The following SLC30A3 variants were observed in gnomAD, a reference collection of about 807,000 sequenced individuals.
The protein encoded by SLC30A3 is solute carrier family 30 member 3.
SLC30A3 carries 20 observed loss-of-function variants against 35.6 expected under a neutral mutation model. The ratio of observed to expected loss-of-function variants is 0.56; its 90% CI spans 0.39 to 0.82. The LOEUF (loss-of-function observed/expected upper bound fraction) is 0.82, where lower values mean the gene tolerates loss of function less well. Among genes scored for constraint, SLC30A3 ranks in the 40% least tolerant of loss-of-function variants. The pLI is 0.00. For synonymous variants in SLC30A3, 217 were observed against 224.7 expected (o/e 0.97, Z 0.31); for missense variants, 401 against 530.6 (o/e 0.76, Z 2.40).
Position 27,262,968 on chromosome 2 carries a change from G to T in SLC30A3, c.-62C>A, listed in dbSNP as rs890697089. 5 of 1,447,620 alleles carry T rather than the reference G, an allele frequency of 3.5e-6. No homozygotes were observed. The highest frequency in any genetic ancestry group is 6.9e-5 in the Admixed American group (2 of 29,012). 89.7% of individuals were successfully genotyped at this position (1,447,620 alleles called of 1,614,324 possible). A position where few individuals can be genotyped will look rare whatever the true frequency, so the allele number is the denominator to read the frequency against. Reference sequence around the variant, plus strand: ...AAGAGAGAGGCCGGGCCGGCCCCGCGCCAAGTCCGAGCAGCCCGCCGACCC... The same window carrying T: ...AAGAGAGAGGCCGGGCCGGCCCCGCTCCAAGTCCGAGCAGCCCGCCGACCC... On this transcript the variant is annotated 5_prime_UTR_variant, in exon 1 of 8. Transcript: ENST00000233535. This position sits in a 1 kb window ranked among gnomAD's most constrained non-coding sequence, Gnocchi z 7.5.
At chr2:27,269,540 C>A (rs1334700179) in intron 1 of SLC30A3, among the ~76,000 whole-genome samples, 1 of 151,924 alleles carries the variant, frequency 6.6e-6, no homozygotes, top group Non-Finnish European at 1.5e-5. Flanking sequence ...CTGCATGTGG[C>A]ATCCAATGGA....
rs1213843855 is a variant in SLC30A3, at chr2:27,262,298, C to G, written c.95+514G>C. 2 of 152,174 alleles carry G rather than the reference C, an allele frequency of 1.3e-5. No individual in the cohort carries two copies. Among genetic ancestry groups the G allele is most frequent in the African/African-American group, 2.4e-5 (1 of 41,426 alleles). 9.4% of individuals were successfully genotyped at this position (152,174 alleles called of 1,614,324 possible). A position where few individuals can be genotyped will look rare whatever the true frequency, so the allele number is the denominator to read the frequency against. On this transcript the variant is annotated intron_variant, in intron 1 of 7. Coordinates refer to ENST00000233535, the MANE Select transcript of SLC30A3 (RefSeq NM_003459.5). The surrounding 1 kb of genome is among the most constrained non-coding windows in gnomAD (Gnocchi z 7.5). ...TCGCTTCCCGGCGGCCGCCCGCCCC[C>G]CAGGGGCCCGCAAGACCCGCGCGGA...
rs779313952 is a variant in SLC30A3, at chr2:27,257,987, C to T, written c.496G>A (p.Val166Ile). The T allele has an allele frequency of 1.2e-5, 20 of 1,614,150 alleles. No individual in the cohort carries two copies. The highest frequency in any genetic ancestry group is 1.6e-4 in the Middle Eastern group (1 of 6,062). ...TGGTAGTCGCTGTGCAGCAGGCGGA[C>T]GAAGGCCAGGTACAGGAGGATGCCA... ...VTGILLYLAF[V>I]RLLHSDYHIE... Residue 166 changes from valine (V) to isoleucine (I), a missense_variant, in exon 4 of 8, where the codon GTC (valine) becomes ATC (isoleucine). Physicochemically the swap from Val to Ile is conservative, Grantham distance 29. Around this residue, in one of 3 missense-constraint regions of SLC30A3, gnomAD observed 296 missense variants for 392.6 expected, o/e 0.75. Coordinates refer to ENST00000233535, the MANE Select transcript of SLC30A3 (RefSeq NM_003459.5). The surrounding 1 kb of genome is among the most constrained non-coding windows in gnomAD (Gnocchi z 4.7).
rs752716923 is a variant in SLC30A3, at chr2:27,257,234, G to A, written c.697C>T (p.Arg233Trp). 5.0e-6 allele frequency: 8 copies of A among 1,614,040 alleles called. No homozygotes were observed. Among genetic ancestry groups the A allele is most frequent in the East Asian group, 2.2e-5 (1 of 44,872 alleles). Reference protein sequence around the residue: ...EPLPLGNTSVRAAFVHVLGDL... With the variant: ...EPLPLGNTSVWAAFVHVLGDL... ...CCCAGCACGTGCACAAATGCCGCCCGGACGCTGGTGTTCCCCAGGGGCAGG... is the reference window on the plus strand; with the variant it reads ...CCCAGCACGTGCACAAATGCCGCCCAGACGCTGGTGTTCCCCAGGGGCAGG... Residue 233 changes from arginine to tryptophan, a missense_variant, in exon 5 of 8, where the codon CGG becomes TGG. By Grantham distance (101) the Arg-to-Trp change is moderately radical. Around this residue, in one of 3 missense-constraint regions of SLC30A3, gnomAD observed 296 missense variants for 392.6 expected, o/e 0.75. Transcript: ENST00000233535. The surrounding 1 kb of genome is among the most constrained non-coding windows in gnomAD (Gnocchi z 4.7).
chr2:27,275,224 T>G, exon 1 of SLC30A3: 6 of 1,303,932 alleles, frequency 4.6e-6, no homozygotes, highest in South Asian at 1.2e-5. Context: ...CTGGAGTGAG[T>G]TGGGCCATCA....
In SLC30A3 at chr2:27,257,211, C is replaced by T. The variant is rs1181389381; in HGVS notation, c.720G>A (p.Leu240=). Residue 240 remains leucine, a synonymous_variant, in exon 5 of 8, where the codon CTG becomes CTA. Coordinates refer to ENST00000233535, the MANE Select transcript of SLC30A3 (RefSeq NM_003459.5). This position sits in a 1 kb window ranked among gnomAD's most constrained non-coding sequence, Gnocchi z 4.7. Reference sequence around the variant, plus strand: ...CCCCAAAGCTCTGCAGGAGGTCCCCCAGCACGTGCACAAATGCCGCCCGGA... The same window carrying T: ...CCCCAAAGCTCTGCAGGAGGTCCCCTAGCACGTGCACAAATGCCGCCCGGA... The part of the protein sequence containing the change: ...TSVRAAFVHV[L]GDLLQSFGVL... 2 of 1,613,980 alleles carry T rather than the reference C, an allele frequency of 1.2e-6. No individual in the cohort carries two copies. Among genetic ancestry groups the T allele is most frequent in the Admixed American group, 3.3e-5 (2 of 59,998 alleles).
intron 1 of SLC30A3, among the ~76,000 whole-genome samples, chr2:27,273,404 A>T (rs1402520738): frequency 2.6e-5 from 4 of 152,242 alleles, no homozygotes; most frequent in Non-Finnish European, 5.9e-5. Context: ...TTACAGACTG[A>T]GGCAAGGAAT....
chr2:27,268,012 T>C (rs977703881), upstream of SLC30A3, among the ~76,000 whole-genome samples: 6 of 152,172 alleles, frequency 3.9e-5, no homozygotes, highest in Admixed American at 1.3e-4. Context: ...CCTTGTTTTA[T>C]TTTTCTCCAT....
At chr2:27,272,778 G>A (rs187400365) in intron 1 of SLC30A3, among the ~76,000 whole-genome samples, 45 of 151,792 alleles carry the variant, frequency 3.0e-4, no homozygotes, top group African/African-American at 8.0e-4. Flanking sequence ...CCAGCTGGGC[G>A]TGGTGGCTCA....
Position 27,258,485 on chromosome 2 carries a change from TA to T in SLC30A3, c.278-179del, listed in dbSNP as rs1260314198. 2 of 678,068 alleles carry T rather than the reference TA, an allele frequency of 2.9e-6. No homozygotes were observed. The highest frequency in any genetic ancestry group is 3.6e-5 in the African/African-American group (2 of 54,962). The allele number at this position is 678,068 out of a possible 1,614,324, so 42.0% of individuals were successfully genotyped here. A position where few individuals can be genotyped will look rare whatever the true frequency, so the allele number is the denominator to read the frequency against. On this transcript the variant is annotated intron_variant, in intron 2 of 7. Coordinates refer to ENST00000233535, the MANE Select transcript of SLC30A3 (RefSeq NM_003459.5). This position sits in a 1 kb window ranked among gnomAD's most constrained non-coding sequence, Gnocchi z 4.0. ...TTATTTTTTTCATTCATCTGTATTT[TA>T]TTTTCTACAATGATTTATTTTAATA...
upstream of SLC30A3, chr2:27,275,501 T>G (rs1677980886): frequency 3.0e-6 from 1 of 332,540 alleles, no homozygotes; most frequent in Non-Finnish European, 5.9e-6. Flanking sequence ...GTGTGAAGTT[T>G]CACACCCAAA....
chr2:27,256,851 A>C lies in SLC30A3; in HGVS notation c.820T>G (p.Ser274Ala). 1 of 1,606,446 alleles carries C rather than the reference A, an allele frequency of 6.2e-7. No individual in the cohort carries two copies. The highest frequency in any genetic ancestry group is 8.5e-7 in the Non-Finnish European group (1 of 1,178,392). The change falls in exon 6 of 8, where the codon TCC (serine) becomes GCC (alanine). Residue 274 changes from serine (S) to alanine (A), a missense_variant. By Grantham distance (99) the Ser-to-Ala change is moderately conservative. This residue lies in a region of SLC30A3 where 296 missense variants were observed against 392.6 expected (regional missense o/e 0.75). Transcript: ENST00000233535. ...GCGGTGGATCCAAGGGCACAGATGG[A>C]GAAGAGGAAGGTGCTGATGGGGTCG... Reference protein sequence around the residue: ...AADPISTFLFSICALGSTAPT... With the variant: ...AADPISTFLFAICALGSTAPT...
At chr2:27,260,696 T>C (rs1423440044) in intron 1 of SLC30A3, among the ~76,000 whole-genome samples, 1 of 152,174 alleles carries the variant, frequency 6.6e-6, no homozygotes, top group African/African-American at 2.4e-5. Context: ...CTAAAGACAA[T>C]TCTGCCAAGT....
In SLC30A3 at chr2:27,256,441, C is replaced by T. The variant is rs151129800; in HGVS notation, c.963G>A (p.Leu321=). Residue 321 remains leucine (L), a synonymous_variant, in exon 7 of 8, where the codon CTG becomes CTA. Transcript: ENST00000233535. ...SVPGVRATHE[L]HLWALTLTYH... ...AAGTGAGCGTAAGGGCCCACAGGTG[C>T]AGCTCATGGGTTGCCCGGACTCCTG... 3.1e-4 allele frequency: 494 copies of T among 1,613,992 alleles called. 1 individual carries two copies. Among genetic ancestry groups the T allele is most frequent in the Non-Finnish European group, 1.1e-4 (129 of 1,180,024 alleles).
chr2:27,270,622 C>T (rs1677693128), intron 1 of SLC30A3, among the ~76,000 whole-genome samples: 1 of 151,994 alleles, frequency 6.6e-6, no homozygotes, highest in Non-Finnish European at 1.5e-5. Context: ...CAAATTTAAT[C>T]CTCATAACAA....
rs150154034 is a variant in SLC30A3, at chr2:27,257,233, C to T, written c.698G>A (p.Arg233Gln). ...CCCCAGCACGTGCACAAATGCCGCCCGGACGCTGGTGTTCCCCAGGGGCAG... is the reference window on the plus strand; with the variant it reads ...CCCCAGCACGTGCACAAATGCCGCCTGGACGCTGGTGTTCCCCAGGGGCAG... ...EPLPLGNTSV[R>Q]AAFVHVLGDL... is the part of the protein sequence containing the mutation. The change falls in exon 5 of 8, where the codon CGG (arginine) becomes CAG (glutamine). Residue 233 changes from arginine to glutamine, a missense_variant. Around this residue, in one of 3 missense-constraint regions of SLC30A3, gnomAD observed 296 missense variants for 392.6 expected, o/e 0.75. Coordinates refer to ENST00000233535, the MANE Select transcript of SLC30A3 (RefSeq NM_003459.5). This position sits in a 1 kb window ranked among gnomAD's most constrained non-coding sequence, Gnocchi z 4.7. 5.5e-5 allele frequency: 88 copies of T among 1,613,924 alleles called. No individual in the cohort carries two copies. The East Asian group carries it at 8.5e-4, about 16-fold the overall frequency.
intron 1 of SLC30A3, among the ~76,000 whole-genome samples, chr2:27,274,194 A>T (rs1329683158): frequency 7.9e-5 from 12 of 152,142 alleles, no homozygotes; most frequent in Non-Finnish European, 1.8e-4. Flanking sequence ...GCGTGGTGGC[A>T]GGCACCTGTA....
At chr2:27,269,500 C>A (rs1429471897) in intron 1 of SLC30A3, among the ~76,000 whole-genome samples, 1 of 152,044 alleles carries the variant, frequency 6.6e-6, no homozygotes, top group Non-Finnish European at 1.5e-5. Context: ...AGCCACCACA[C>A]CTGGCCTTTC....
chr2:27,263,977 G>A (rs768191075), upstream of SLC30A3: 1 of 1,217,032 alleles, frequency 8.2e-7, no homozygotes, highest in South Asian at 1.3e-5. Flanking sequence ...CTCATTTGGG[G>A]GAAACTAAAA....
Sources: gnomAD v4.1 joint callset for allele counts (sites outside exome capture counted in the v4.1 genomes callset) on GRCh38, gnomAD v4.1.1 for gene constraint, gnomAD v4.1.1 regional missense constraint, Gnocchi (gnomAD v3.1) non-coding constraint, MANE v1.5 for transcripts, NCBI Gene and HGNC (gene_info 2026-07-23, HGNC 2026-07-21) for gene names.